Variants in PTPRD observed in about 807,000 individuals in gnomAD.
The protein encoded by PTPRD is receptor-type tyrosine-protein phosphatase delta.
In PTPRD, 34 loss-of-function variants were observed where a neutral mutation model predicts 214.5. The ratio of observed to expected loss-of-function variants is 0.16; its 90% CI spans 0.12 to 0.21. PTPRD has a LOEUF of 0.21. PTPRD is among the 10% of genes least tolerant of loss of function. PTPRD has a pLI of 1.00. For synonymous variants in PTPRD, 1,128 were observed against 845.7 expected, an observed-to-expected ratio of 1.33 and a Z score of -5.79; for missense variants, 2,545 against 2,398.7, an observed-to-expected ratio of 1.06 and a Z score of -1.27.
chr9:9,598,959 C>T (rs956606003), intron 7 of PTPRD, among the ~76,000 whole-genome samples: 2 of 151,934 alleles, frequency 1.3e-5, no homozygotes, highest in African/African-American at 4.8e-5. Flanking sequence ...GGTTCCTAAG[C>T]CCCTCATATT....
chr9:10,253,246 T>C (rs1397454385), intron 3 of PTPRD, among the ~76,000 whole-genome samples: 2 of 152,318 alleles, frequency 1.3e-5, no homozygotes, highest in African/African-American at 4.8e-5. Flanking sequence ...GTGACAAATA[T>C]GTATCTTAAG....
At chr9:9,975,704 G>C (rs1222398603) in intron 4 of PTPRD, among the ~76,000 whole-genome samples, 1 of 152,152 alleles carries the variant, frequency 6.6e-6, no homozygotes, top group Non-Finnish European at 1.5e-5. Flanking sequence ...AAGATAATAA[G>C]AAAGGCTCCT....
At chr9:8,927,079 A>C (rs1013129902) in intron 11 of PTPRD, among the ~76,000 whole-genome samples, 2 of 152,178 alleles carry the variant, frequency 1.3e-5, no homozygotes, top group South Asian at 4.1e-4. Flanking sequence ...GTCACAGAGC[A>C]AGTTAGTAGC....
intron 11 of PTPRD, among the ~76,000 whole-genome samples, chr9:8,764,581 A>G (rs1410609944): frequency 6.6e-6 from 1 of 152,026 alleles, no homozygotes; most frequent in Non-Finnish European, 1.5e-5. Flanking sequence ...GTGGATCACA[A>G]GGTCAGGAGT....
chr9:10,308,949 C>G (rs866719714), intron 3 of PTPRD, among the ~76,000 whole-genome samples: 5 of 151,884 alleles, frequency 3.3e-5, no homozygotes, highest in Non-Finnish European at 7.4e-5. Context: ...TTATTACATA[C>G]TTGTGTGAAT....
chr9:10,093,625 A>G (rs1339671031), intron 3 of PTPRD, among the ~76,000 whole-genome samples: 1 of 151,590 alleles, frequency 6.6e-6, no homozygotes, highest in Non-Finnish European at 1.5e-5. Context: ...TTGTTCTATC[A>G]AAAAGACATA....
At chr9:9,794,758 G>A (rs541000423) in intron 5 of PTPRD, among the ~76,000 whole-genome samples, 2 of 152,276 alleles carry the variant, frequency 1.3e-5, no homozygotes, top group Non-Finnish European at 2.9e-5. Flanking sequence ...AATCAAACCT[G>A]TAGTAAGTAA....
chr9:8,992,830 G>C (rs1205896422), intron 11 of PTPRD, among the ~76,000 whole-genome samples: 1 of 152,188 alleles, frequency 6.6e-6, no homozygotes, highest in Non-Finnish European at 1.5e-5. Flanking sequence ...GGAGCAGTTA[G>C]AGGGACTAAA....
intron 5 of PTPRD, among the ~76,000 whole-genome samples, chr9:9,772,642 A>ATGGCT (rs1325033326): frequency 1.4e-5 from 2 of 141,316 alleles, no homozygotes; most frequent in African/African-American, 5.2e-5. Flanking sequence ...GTTACTGAGA[A>ATGGCT]TAGCTTAGTA....
chr9:9,600,358 A>C (rs989876694), intron 7 of PTPRD, among the ~76,000 whole-genome samples: 8 of 152,090 alleles, frequency 5.3e-5, no homozygotes, highest in African/African-American at 1.9e-4. Flanking sequence ...CAACTGTAAT[A>C]AATTATTTTC....
At chr9:9,449,984 T>C (rs1223379991) in intron 8 of PTPRD, among the ~76,000 whole-genome samples, 2 of 151,986 alleles carry the variant, frequency 1.3e-5, no homozygotes, top group Non-Finnish European at 2.9e-5. Flanking sequence ...ATGAACGATA[T>C]TTGGTTTTCC....
At chr9:10,509,922 A>G (rs1477612927) in intron 2 of PTPRD, among the ~76,000 whole-genome samples, 1 of 151,982 alleles carries the variant, frequency 6.6e-6, no homozygotes, top group Admixed American at 6.6e-5. Context: ...AGTACCTCCA[A>G]TGCCAATGAG....
chr9:9,862,041 A>T (rs2062889770), intron 5 of PTPRD, among the ~76,000 whole-genome samples: 1 of 152,182 alleles, frequency 6.6e-6, no homozygotes, highest in East Asian at 1.9e-4. Context: ...GATTCTTAAG[A>T]ATAGATTTGA....
intron 2 of PTPRD, among the ~76,000 whole-genome samples, chr9:10,352,310 G>T (rs866558020): frequency 1.3e-5 from 2 of 151,754 alleles, no homozygotes; most frequent in Non-Finnish European, 2.9e-5. Flanking sequence ...TTGTTTCATC[G>T]CTAGAAGTAC....
intron 5 of PTPRD, among the ~76,000 whole-genome samples, chr9:9,836,097 CT>C (rs893939627): frequency 3.3e-5 from 5 of 152,184 alleles, no homozygotes. Flanking sequence ...AAAATCTACA[CT>C]AAATCATGGG....
intron 10 of PTPRD, among the ~76,000 whole-genome samples, chr9:9,044,451 A>T (rs2099663822): frequency 6.6e-6 from 1 of 152,214 alleles, no homozygotes; most frequent in Admixed American, 6.5e-5. Context: ...GTAATATGAG[A>T]TTCCTCACTG....
intron 11 of PTPRD, among the ~76,000 whole-genome samples, chr9:8,765,799 T>C (rs1291040455): frequency 6.6e-6 from 1 of 152,302 alleles, no homozygotes; most frequent in South Asian, 2.1e-4. Flanking sequence ...TAAGCTACAG[T>C]GGGTCAAGAA....
Position 9,418,005 on chromosome 9 carries a change from C to T in PTPRD, c.-236-20523G>A, listed in dbSNP as rs532060569. On this transcript the variant is annotated intron_variant, in intron 8 of 45. Transcript: ENST00000381196. Reference sequence around the variant, plus strand: ...CACCTGAAAAGTTTTCGCTACTCTCCACTCAAATTCTCTAAAAATTCGTTT... The same window carrying T: ...CACCTGAAAAGTTTTCGCTACTCTCTACTCAAATTCTCTAAAAATTCGTTT... 1.0e-3 allele frequency among the ~76,000 whole-genome samples: 155 copies of T among 152,130 alleles called. 1 individual carries two copies. The highest frequency in any genetic ancestry group is 3.4e-3 in the African/African-American group (142 of 41,550).
chr9:10,286,086 ATATT>A (rs1436329238), intron 3 of PTPRD, among the ~76,000 whole-genome samples: 1 of 152,186 alleles, frequency 6.6e-6, no homozygotes, highest in Non-Finnish European at 1.5e-5. Context: ...TGTTAAATAT[ATATT>A]TATGTATTTT....
Sources: allele counts gnomAD v4.1 joint callset (sites outside exome capture counted in the v4.1 genomes callset), GRCh38; gene constraint gnomAD v4.1.1; transcripts MANE v1.5; gene names NCBI Gene and HGNC (gene_info 2026-07-23, HGNC 2026-07-21).